The following SLMAP variants were observed in gnomAD, a reference collection of about 807,000 sequenced individuals.
SLMAP encodes the protein sarcolemmal membrane-associated protein.
Under a neutral mutation model 128.8 loss-of-function variants are expected in SLMAP, and 44 were observed. That is an observed-to-expected ratio of 0.34 (90% CI 0.27 to 0.44). The LOEUF is 0.44. SLMAP is among the 20% of genes least tolerant of loss of function. The pLI is 1.00. For synonymous variants in SLMAP, 327 were observed against 348.8 expected (o/e 0.94, Z 0.70); for missense variants, 787 against 985.3 (o/e 0.80, Z 2.69).
At chr3:57,900,949 A>G (rs868311616) in intron 17 of SLMAP, 3 of 152,164 alleles carry the variant, frequency 2.0e-5, no homozygotes, top group South Asian at 4.1e-4. Context: ...TGGCAACCAG[A>G]TGCACCAGTA....
At chr3:57,813,389 T>G (rs1034477367) in intron 2 of SLMAP, among the ~76,000 whole-genome samples, 4 of 152,278 alleles carry the variant, frequency 2.6e-5, no homozygotes, top group African/African-American at 7.2e-5. Flanking sequence ...CATACCCTGC[T>G]GGGTATAAGC....
At chr3:57,826,695 A>G (rs892700116) in intron 2 of SLMAP, among the ~76,000 whole-genome samples, 1 of 152,226 alleles carries the variant, frequency 6.6e-6, no homozygotes, top group Non-Finnish European at 1.5e-5. Context: ...TATATGGCTC[A>G]GACTGTTCCA....
intron 14 of SLMAP, among the ~76,000 whole-genome samples, chr3:57,885,036 G>A (rs1038004424): frequency 4.0e-5 from 6 of 151,730 alleles, no homozygotes; most frequent in Non-Finnish European, 7.4e-5. Context: ...AAAAATGTGA[G>A]TAGGGAAGAA....
intron 14 of SLMAP, among the ~76,000 whole-genome samples, chr3:57,887,164 A>G (rs977711870): frequency 1.3e-5 from 2 of 152,306 alleles, no homozygotes; most frequent in Non-Finnish European, 1.5e-5. Flanking sequence ...GAAACCTTCT[A>G]GAGAGAAACA....
intron 2 of SLMAP, among the ~76,000 whole-genome samples, chr3:57,824,861 A>G (rs2092802491): frequency 6.6e-6 from 1 of 152,214 alleles, no homozygotes; most frequent in Admixed American, 6.5e-5. Flanking sequence ...ATACCTTCAC[A>G]GTATTAAGAC....
At chr3:57,769,200 AT>A (rs1001902691) in intron 2 of SLMAP, among the ~76,000 whole-genome samples, 6 of 148,122 alleles carry the variant, frequency 4.1e-5, no homozygotes, top group Admixed American at 6.8e-5. Context: ...ATTTTATTTT[AT>A]TTTTTTTTTG....
chr3:57,825,433 CT>C (rs1226280885), intron 2 of SLMAP, among the ~76,000 whole-genome samples: 2 of 145,052 alleles, frequency 1.4e-5, no homozygotes, highest in Non-Finnish European at 3.0e-5. Context: ...TTTCTGAGTG[CT>C]TTTATTGTGA....
At chr3:57,867,181 A>G (rs991551335) in intron 13 of SLMAP, among the ~76,000 whole-genome samples, 1 of 152,196 alleles carries the variant, frequency 6.6e-6, no homozygotes, top group African/African-American at 2.4e-5. Flanking sequence ...TCTTGTCTCA[A>G]AAAACAAAAC....
intron 15 of SLMAP, among the ~76,000 whole-genome samples, chr3:57,895,012 C>T (rs1348444623): frequency 2.6e-5 from 4 of 151,926 alleles, no homozygotes; most frequent in Admixed American, 6.6e-5. Context: ...ATGCCATAGG[C>T]CAGGTGTGGT....
chr3:57,815,948 A>G (rs999295671), intron 2 of SLMAP, among the ~76,000 whole-genome samples: 1 of 152,248 alleles, frequency 6.6e-6, no homozygotes, highest in African/African-American at 2.4e-5. Context: ...AGCAGTTAGT[A>G]TGTACAAATA....
chr3:57,860,529 A>C (rs1162587908), intron 8 of SLMAP, among the ~76,000 whole-genome samples, 170 bp from the exon 9 acceptor site: 1 of 152,188 alleles, frequency 6.6e-6, no homozygotes, highest in African/African-American at 2.4e-5. Context: ...GGCATAATTT[A>C]CTTATGCAAC....
chr3:57,865,168 C>T, intron 12 of SLMAP, 74 bp from the exon 13 acceptor site: 1 of 764,632 alleles, frequency 1.3e-6, no homozygotes, highest in South Asian at 2.0e-5. Flanking sequence ...ATGCAGAATG[C>T]CATGGTTACA....
At position 57,872,877 on chromosome 3, in the gene SLMAP, C is replaced by G. The variant is rs186311814; in HGVS notation, c.1300+1179C>G. 2.0e-5 allele frequency among the ~76,000 whole-genome samples: 3 copies of G among 152,252 alleles called. No individual in the cohort carries two copies. In the East Asian group the frequency reaches 5.8e-4, roughly 29 times the overall value. On this transcript the variant is annotated intron_variant, in intron 14 of 24. Coordinates refer to ENST00000671191, the MANE Select transcript of SLMAP (RefSeq NM_001377540.1). ...TTTCTCAGGCATTCTTCTCATTCTG[C>G]TCTCCTTTCTTGGAAATGTGGTTTC...
At chr3:57,768,945 AC>A (rs1026756603) in intron 2 of SLMAP, among the ~76,000 whole-genome samples, 1 of 151,438 alleles carries the variant, frequency 6.6e-6, no homozygotes, top group Non-Finnish European at 1.5e-5. Flanking sequence ...ACTTGCCAGC[AC>A]CCCCCACCCC....
intron 17 of SLMAP, among the ~76,000 whole-genome samples, chr3:57,902,317 C>A (rs554658342): frequency 6.6e-6 from 1 of 152,064 alleles, no homozygotes; most frequent in South Asian, 2.1e-4. Context: ...GATAAAAATA[C>A]CTTCTTAGAA....
chr3:57,771,552 C>T (rs1250191936), intron 2 of SLMAP, among the ~76,000 whole-genome samples: 1 of 151,740 alleles, frequency 6.6e-6, no homozygotes, highest in Non-Finnish European at 1.5e-5. Context: ...TTTTTTTAGA[C>T]AGGGTCTTGT....
chr3:57,764,950 C>G (rs546921555), intron 2 of SLMAP, among the ~76,000 whole-genome samples: 1 of 152,170 alleles, frequency 6.6e-6, no homozygotes, highest in Non-Finnish European at 1.5e-5. Context: ...ATTAGGACTT[C>G]GGCAAAGCGC....
intron 2 of SLMAP, among the ~76,000 whole-genome samples, chr3:57,790,321 G>A (rs1241639295): frequency 6.6e-6 from 1 of 152,160 alleles, no homozygotes; most frequent in Non-Finnish European, 1.5e-5. Context: ...TTACTATGGG[G>A]AAGAATGATT....
At chr3:57,865,143 A>G (rs992232037) in intron 12 of SLMAP, 99 bp from the exon 13 acceptor site, 22 of 665,536 alleles carry the variant, frequency 3.3e-5, no homozygotes, top group East Asian at 1.7e-4. Flanking sequence ...GTTCTATACA[A>G]TCTTAATCTT....
Sources: allele counts gnomAD v4.1 joint callset (sites outside exome capture counted in the v4.1 genomes callset), GRCh38; gene constraint gnomAD v4.1.1; transcripts MANE v1.5; gene names NCBI Gene and HGNC (gene_info 2026-07-23, HGNC 2026-07-21).